The following TPRA1 variants were observed in gnomAD, a reference collection of about 807,000 sequenced individuals.
TPRA1 encodes transmembrane protein adipocyte associated 1.
A neutral mutation model predicts 40.1 loss-of-function variants in TPRA1; 28 were observed. The ratio of observed to expected loss-of-function variants is 0.70; its 90% CI spans 0.52 to 0.96. The LOEUF (loss-of-function observed/expected upper bound fraction) is 0.96. Ranked by LOEUF, TPRA1 falls within the 40% of genes least tolerant of loss-of-function variation. The probability of loss-of-function intolerance (pLI) is 0.00; values close to 1 mark genes in which losing one functional copy is unlikely to be tolerated. For synonymous variants in TPRA1, 219 were observed against 209.7 expected, an observed-to-expected ratio of 1.04 and a Z score of -0.38; for missense variants, 441 against 482.6, an observed-to-expected ratio of 0.91 and a Z score of 0.81.
At chr3:127,580,511 C>A (rs115091668) in intron 1 of TPRA1, 2,496 of 222,346 alleles carry the variant, frequency 0.011, 71 homozygotes, top group African/African-American at 0.053. Flanking sequence ...TCTGGGTTCA[C>A]AGCCCAGCCC....
chr3:127,578,739 G>A (rs2073728772), intron 3 of TPRA1, among the ~76,000 whole-genome samples: 1 of 152,174 alleles, frequency 6.6e-6, no homozygotes, highest in Admixed American at 6.6e-5. Flanking sequence ...GGCTTCCCCA[G>A]CCCCTTGTCT....
At chr3:127,575,302 C>G in intron 9 of TPRA1, 37 bp from the exon 10 acceptor site, 1 of 1,604,072 alleles carries the variant, frequency 6.2e-7, no homozygotes. Flanking sequence ...GCCTCCTAGC[C>G]CCATGCTGAC....
At chr3:127,594,156 G>A (rs2074220395), upstream of TPRA1, among the ~76,000 whole-genome samples, 1 of 152,232 alleles carries the variant, frequency 6.6e-6, no homozygotes, top group Non-Finnish European at 1.5e-5. Context: ...AGGTTTGTAG[G>A]GGTCTGGTGG....
intron 1 of TPRA1, among the ~76,000 whole-genome samples, chr3:127,596,385 G>C (rs2074240645): frequency 6.6e-6 from 1 of 152,148 alleles, no homozygotes. Flanking sequence ...GGCCATCCCA[G>C]GATAATTTTT....
chr3:127,591,803 G>A (rs1474356730), upstream of TPRA1: 1 of 152,174 alleles, frequency 6.6e-6, no homozygotes, highest in East Asian at 1.9e-4. Context: ...CAAGCTGCAG[G>A]ATGTCCCCTG....
At position 127,589,255 on chromosome 3, in the gene TPRA1, TTCTCTCTCC is replaced by T. The variant is rs545383105; in HGVS notation, c.-18+1146_-18+1154del. 4.6e-4 allele frequency among the ~76,000 whole-genome samples: 69 copies of T among 150,550 alleles called. No individual in the cohort carries two copies. In the South Asian group the frequency reaches 5.6e-3, roughly 12 times the overall value. On this transcript the variant is annotated intron_variant, in intron 1 of 10. Coordinates refer to ENST00000355552, the MANE Select transcript of TPRA1 (RefSeq NM_001136053.4). ...CCGCTGAGAACGACTGGGTAAGGCC[TTCTCTCTCC>T]TCTCTGGGACTCAGCTTTCCCTGCT...
At chr3:127,598,180 G>A (rs1032131212) in exon 1 of TPRA1, 72 of 532,502 alleles carry the variant, frequency 1.4e-4, no homozygotes, top group African/African-American at 7.6e-4. Context: ...GGGTCCCCTG[G>A]AGCCTCAGCT....
chr3:127,592,883 G>T (rs118009530), upstream of TPRA1, among the ~76,000 whole-genome samples: 19 of 152,346 alleles, frequency 1.2e-4, no homozygotes, highest in East Asian at 3.5e-3. Flanking sequence ...CACGGTAGGT[G>T]TCTTCCAGCC....
intron 1 of TPRA1, among the ~76,000 whole-genome samples, chr3:127,583,921 G>A (rs990553849): frequency 2.6e-5 from 4 of 151,476 alleles, no homozygotes; most frequent in African/African-American, 7.3e-5. Flanking sequence ...CGCCCACCTC[G>A]GCCTCCCAAA....
In TPRA1 at chr3:127,579,721, T is replaced by C; in HGVS notation, c.258+19A>G. ...AACCCAGTTGGAGTTGGCTTTTCTGTCAACTGCAGTGAACTCACCAGGATG... is the reference window on the plus strand; with the variant it reads ...AACCCAGTTGGAGTTGGCTTTTCTGCCAACTGCAGTGAACTCACCAGGATG... On this transcript the variant is annotated intron_variant, in intron 3 of 10. Transcript: ENST00000355552. The C allele has an allele frequency of 6.2e-7, 1 of 1,613,022 alleles. No individual in the cohort carries two copies. The highest frequency in any genetic ancestry group is 1.3e-5 in the African/African-American group (1 of 75,002).
chr3:127,577,182 C>G, intron 3 of TPRA1, 106 bp from the exon 4 acceptor site: 1 of 1,198,926 alleles, frequency 8.3e-7, no homozygotes. Flanking sequence ...TTCCTGAGGT[C>G]GGAAAGGAGG....
intron 1 of TPRA1, among the ~76,000 whole-genome samples, chr3:127,589,785 C>T (rs968013048): frequency 1.3e-5 from 2 of 152,164 alleles, no homozygotes; most frequent in East Asian, 3.9e-4. Context: ...AGGACTCGGT[C>T]CCCTAGAACA....
Position 127,581,171 on chromosome 3 carries a change from G to C in TPRA1, c.-17-1008C>G, listed in dbSNP as rs189712910. 6.6e-4 allele frequency among the ~76,000 whole-genome samples: 101 copies of C among 152,362 alleles called. No individual in the cohort carries two copies. In the Middle Eastern group the frequency reaches 0.014, roughly 21 times the overall value. On this transcript the variant is annotated intron_variant, in intron 1 of 10. Coordinates refer to ENST00000355552, the MANE Select transcript of TPRA1 (RefSeq NM_001136053.4). ...CAGGTGTGGCCTGGGGCACCAGAACGTAACAGATGCCAACATTTAGAATGA... is the reference window on the plus strand; with the variant it reads ...CAGGTGTGGCCTGGGGCACCAGAACCTAACAGATGCCAACATTTAGAATGA...
Position 127,575,524 on chromosome 3 carries a change from G to T in TPRA1, c.671-19C>A. On this transcript the variant is annotated intron_variant, in intron 8 of 10. Transcript: ENST00000355552. Reference sequence around the variant, plus strand: ...CTCCGAGCTGGGGGCCGGACAGGGTGGGTCGTGAGGTCCCACCCTGGACAG... The same window carrying T: ...CTCCGAGCTGGGGGCCGGACAGGGTTGGTCGTGAGGTCCCACCCTGGACAG... 1 of 1,529,864 alleles carries T rather than the reference G, an allele frequency of 6.5e-7. No individual in the cohort carries two copies. Among genetic ancestry groups the T allele is most frequent in the East Asian group, 2.4e-5 (1 of 42,110 alleles). The allele number at this position is 1,529,864 out of a possible 1,614,324, so 94.8% of individuals were successfully genotyped here. A position where few individuals can be genotyped will look rare whatever the true frequency, so the allele number is the denominator to read the frequency against.
chr3:127,580,152 C>G lies in TPRA1; in HGVS notation c.-6G>C. On this transcript the variant is annotated 5_prime_UTR_variant, in exon 2 of 11. Transcript: ENST00000355552. ...ACCTCCTCCAGGGTGTCCATCCCGC[C>G]AGCAGCCAGCCCTGGGGGAGTGAGA... The G allele has an allele frequency of 6.2e-7, 1 of 1,611,356 alleles. No individual in the cohort carries two copies. The highest frequency in any genetic ancestry group is 8.5e-7 in the Non-Finnish European group (1 of 1,179,768).
chr3:127,571,806 C>G lies in TPRA1; in HGVS notation c.*1715G>C, dbSNP rs532461196. On this transcript the variant is annotated 3_prime_UTR_variant, in exon 11 of 11. Transcript: ENST00000355552. ...GAACCTTTTTTTTTCTTGCCATGTACATATATGACCTATTTTTAAAAAACA... is the reference window on the plus strand; with the variant it reads ...GAACCTTTTTTTTTCTTGCCATGTAGATATATGACCTATTTTTAAAAAACA... 1 of 151,996 alleles carries G rather than the reference C, an allele frequency of 6.6e-6. No homozygotes were observed. The highest frequency in any genetic ancestry group is 6.6e-5 in the Admixed American group (1 of 15,252). 9.4% of individuals were successfully genotyped at this position (151,996 alleles called of 1,614,324 possible).
chr3:127,584,688 A>T (rs1203433071), intron 1 of TPRA1, among the ~76,000 whole-genome samples: 1 of 151,964 alleles, frequency 6.6e-6, no homozygotes, highest in Admixed American at 6.6e-5. Context: ...CATGTGGCTG[A>T]GTTTTATCCA....
Position 127,581,574 on chromosome 3 carries a change from C to G in TPRA1, c.-17-1411G>C, listed in dbSNP as rs116464893. ...TGTGGTAATTCATCAAGCCACACACCGATGACTCCTAAGTCATAGGTGTAC... is the reference window on the plus strand; with the variant it reads ...TGTGGTAATTCATCAAGCCACACACGGATGACTCCTAAGTCATAGGTGTAC... On this transcript the variant is annotated intron_variant, in intron 1 of 10. Transcript: ENST00000355552. Among the ~76,000 whole-genome samples, 896 of 152,066 alleles carry G rather than the reference C, an allele frequency of 5.9e-3. 13 individuals are homozygous for G. Among genetic ancestry groups the G allele is most frequent in the African/African-American group, 0.021 (855 of 41,468 alleles).
intron 1 of TPRA1, among the ~76,000 whole-genome samples, chr3:127,589,750 A>G (rs959214985): frequency 5.3e-5 from 8 of 151,596 alleles, no homozygotes; most frequent in African/African-American, 1.7e-4. Flanking sequence ...CTGGGTATTT[A>G]CTACTCTCTA....
Sources: gnomAD v4.1 joint callset for allele counts (sites outside exome capture counted in the v4.1 genomes callset) on GRCh38, gnomAD v4.1.1 for gene constraint, MANE v1.5 for transcripts, NCBI Gene and HGNC (gene_info 2026-07-23, HGNC 2026-07-21) for gene names.